Variants in COL4A6 observed in about 807,000 individuals in gnomAD.
COL4A6 encodes collagen alpha-6(IV) chain.
In COL4A6, 59 loss-of-function variants were observed where a neutral mutation model predicts 126.7. The ratio of observed to expected loss-of-function variants is 0.47; its 90% CI spans 0.38 to 0.58. COL4A6 has a LOEUF of 0.58. Among genes scored for constraint, COL4A6 ranks in the 20% least tolerant of loss-of-function variants. The pLI is 0.00. For synonymous variants in COL4A6, 547 were observed against 496.6 expected (o/e 1.10, Z -1.35); for missense variants, 1,285 against 1,337.3 (o/e 0.96, Z 0.61).
chrX:108,316,508 A>C (rs919749785), intron 2 of COL4A6, among the ~76,000 whole-genome samples: 1 of 111,727 alleles, frequency 9.0e-6, no homozygotes, highest in Non-Finnish European at 1.9e-5. Flanking sequence ...GGCCTTGCTT[A>C]TAAGGGGACT....
chrX:108,284,645 G>T (rs1569406496), intron 3 of COL4A6, among the ~76,000 whole-genome samples: 1 of 112,038 alleles, frequency 8.9e-6, no homozygotes, highest in Non-Finnish European at 1.9e-5. Context: ...TTTAAAGAAT[G>T]TTATGCTTTC....
At chrX:108,238,418 T>A (rs1452750227) in intron 3 of COL4A6, among the ~76,000 whole-genome samples, 1 of 110,277 alleles carries the variant, frequency 9.1e-6, no homozygotes, top group African/African-American at 3.3e-5. Context: ...TGTGTGTGTA[T>A]TTTAAATTGA....
rs963785320 is a variant in COL4A6, at chrX:108,159,702, G to T, written c.4572C>A (p.Ile1524=). 19 of 1,210,416 alleles carry T rather than the reference G, an allele frequency of 1.6e-5. No homozygotes were observed. Among genetic ancestry groups the T allele is most frequent in the Non-Finnish European group, 2.1e-5 (19 of 895,328 alleles). Residue 1524 remains isoleucine, a synonymous_variant, in exon 44 of 45, where the codon ATC becomes ATA. Transcript: ENST00000334504. ...GGCACACCTCGTTGATGTTGCAGTA[G>T]ATGAAGGGCATGGTGCTGAAGCGGG... ...CLPRFSTMPF[I]YCNINEVCHY...
intron 2 of COL4A6, among the ~76,000 whole-genome samples, chrX:108,378,598 A>T (rs374273778): frequency 1.2e-4 from 14 of 112,230 alleles, no homozygotes; most frequent in African/African-American, 4.2e-4. Context: ...CAGCCACATG[A>T]CTCAGTTCTG....
intron 23 of COL4A6, among the ~76,000 whole-genome samples, chrX:108,186,480 G>T (rs190488836): frequency 8.9e-6 from 1 of 112,182 alleles, no homozygotes; most frequent in Admixed American, 9.5e-5. Context: ...CCCAAAAGTT[G>T]GGATGAACAG....
chrX:108,236,157 AG>A (rs1421468845), intron 3 of COL4A6, among the ~76,000 whole-genome samples: 1 of 111,893 alleles, frequency 8.9e-6, no homozygotes, highest in Non-Finnish European at 1.9e-5. Flanking sequence ...TGTCCCTTAA[AG>A]CTGAGTGGAA....
chrX:108,436,312 G>A (rs1467622368), intron 2 of COL4A6, among the ~76,000 whole-genome samples: 2 of 112,393 alleles, frequency 1.8e-5, no homozygotes, highest in African/African-American at 6.5e-5. Flanking sequence ...ATACACCAAA[G>A]CAGTGCTTAA....
Position 108,161,599 on chromosome X carries a change from C to CCA in COL4A6, c.4333+19_4333+20insTG. On this transcript the variant is annotated intron_variant, in intron 42 of 44. Coordinates refer to ENST00000334504, the MANE Select transcript of COL4A6 (RefSeq NM_033641.4). The stretch of plus-strand genomic sequence containing the variant: ...CCACCATCCCCGCCCCGCCCGCCTC[C>CCA]TAATGTGGCATCATCAGACCTTCAA... 1 of 887,946 alleles carries CCA rather than the reference C, an allele frequency of 1.1e-6. No homozygotes were observed. Among genetic ancestry groups the CCA allele is most frequent in the Non-Finnish European group, 1.6e-6 (1 of 642,131 alleles). The allele number at this position is 887,946 out of a possible 1,213,427, so 73.2% of individuals were successfully genotyped here.
intron 27 of COL4A6, 33 bp from the exon 28 acceptor site, chrX:108,177,044 T>C (rs368136726): frequency 1.6e-4 from 189 of 1,177,816 alleles, no homozygotes; most frequent in Non-Finnish European, 2.1e-4. Context: ...ACAGGACAGC[T>C]GTCAAGTGAG....
intron 2 of COL4A6, among the ~76,000 whole-genome samples, chrX:108,430,080 G>A (rs1249612717): frequency 8.9e-6 from 1 of 111,833 alleles, no homozygotes; most frequent in Non-Finnish European, 1.9e-5. Context: ...GAGGCCCAAA[G>A]CTCCTTGGAA....
chrX:108,321,591 A>C (rs1372698350), intron 2 of COL4A6, among the ~76,000 whole-genome samples: 1 of 111,317 alleles, frequency 9.0e-6, no homozygotes, highest in Non-Finnish European at 1.9e-5. Context: ...TCATATGACC[A>C]TTTTCCAGAT....
chrX:108,302,998 C>T (rs914861113), intron 3 of COL4A6, among the ~76,000 whole-genome samples: 1 of 106,964 alleles, frequency 9.3e-6, no homozygotes, highest in Non-Finnish European at 1.9e-5. Context: ...GCCCTCCCCC[C>T]TCCACCCCCC....
At chrX:108,235,579 G>A (rs2036410809) in intron 3 of COL4A6, among the ~76,000 whole-genome samples, 1 of 111,049 alleles carries the variant, frequency 9.0e-6, no homozygotes, top group South Asian at 3.9e-4. Flanking sequence ...TCTATGGCCT[G>A]TATAGGGAGG....
chrX:108,178,769 C>T lies in COL4A6; in HGVS notation c.2430G>A (p.Gln810=). The T allele has an allele frequency of 8.3e-7, 1 of 1,211,680 alleles. No individual in the cohort carries two copies. Among genetic ancestry groups the T allele is most frequent in the Non-Finnish European group, 1.1e-6 (1 of 895,454 alleles). ...GACCACTAGATCCTGGGGTGCCTGGCTGTCCCACCTGTCCTGGTGTCCCAG... is the reference window on the plus strand; with the variant it reads ...GACCACTAGATCCTGGGGTGCCTGGTTGTCCCACCTGTCCTGGTGTCCCAG... The part of the protein sequence containing the change: ...GSPGTPGQVG[Q]PGTPGSSGPY... Residue 810 remains glutamine, a synonymous_variant, in exon 27 of 45, where the codon CAG becomes CAA. Transcript: ENST00000334504.
intron 3 of COL4A6, among the ~76,000 whole-genome samples, chrX:108,279,065 T>C (rs1410050026): frequency 8.9e-6 from 1 of 111,902 alleles, no homozygotes; most frequent in Non-Finnish European, 1.9e-5. Context: ...CCATCGAGGC[T>C]AGGAAGAAAC....
intron 2 of COL4A6, among the ~76,000 whole-genome samples, chrX:108,397,096 C>A (rs2040981667): frequency 8.9e-6 from 1 of 111,902 alleles, no homozygotes; most frequent in Non-Finnish European, 1.9e-5. Context: ...TAGATTGGGA[C>A]TCTTCAACCA....
At chrX:108,411,420 G>A (rs1338914545) in intron 2 of COL4A6, among the ~76,000 whole-genome samples, 3 of 111,888 alleles carry the variant, frequency 2.7e-5, no homozygotes, top group Non-Finnish European at 5.6e-5. Flanking sequence ...TGATTTTCAA[G>A]GTGTGTGGGG....
intron 8 of COL4A6, among the ~76,000 whole-genome samples, chrX:108,207,549 A>C (rs1353871357): frequency 8.9e-6 from 1 of 111,825 alleles, no homozygotes; most frequent in African/African-American, 3.3e-5. Flanking sequence ...GATAGATAGA[A>C]GGAGGATAAA....
intron 2 of COL4A6, among the ~76,000 whole-genome samples, chrX:108,402,125 G>A (rs1376813748): frequency 9.0e-6 from 1 of 110,654 alleles, no homozygotes; most frequent in East Asian, 2.8e-4. Context: ...CTGATCTCAT[G>A]GAATAAGTTG....
Sources: allele counts gnomAD v4.1 joint callset (sites outside exome capture counted in the v4.1 genomes callset), GRCh38; gene constraint gnomAD v4.1.1; transcripts MANE v1.5; gene names NCBI Gene and HGNC (gene_info 2026-07-23, HGNC 2026-07-21).